ARAP2: variants seen among roughly 807,000 people sequenced by gnomAD.
The protein encoded by ARAP2 is arf-GAP with Rho-GAP domain, ANK repeat and PH domain-containing protein 2.
In ARAP2, 148 loss-of-function variants were observed where a neutral mutation model predicts 194.5. That is an observed-to-expected ratio of 0.76 (90% CI 0.67 to 0.87). The LOEUF (loss-of-function observed/expected upper bound fraction) is 0.87. Ranked by LOEUF, ARAP2 falls within the 40% of genes least tolerant of loss-of-function variation. ARAP2 has a pLI of 0.00. For missense variants in ARAP2, 2,128 were observed against 1,989.7 expected (o/e 1.07, Z -1.32); for synonymous variants, 695 against 683.5 (o/e 1.02, Z -0.26).
chr4:36,057,359 T>A (rs1003874276), intron 2 of ARAP2, among the ~76,000 whole-genome samples: 4 of 151,538 alleles, frequency 2.6e-5, no homozygotes, highest in African/African-American at 9.7e-5. Context: ...TTTTTTTTTT[T>A]AATTTACCTT....
At chr4:36,187,409 C>A in intron 8 of ARAP2, 42 bp downstream of exon 8, 1 of 1,124,492 alleles carries the variant, frequency 8.9e-7, no homozygotes, top group Non-Finnish European at 1.2e-6. Context: ...TATGATTAGT[C>A]AGAAATTAAT....
At chr4:36,171,341 T>TA (rs1050073733) in intron 9 of ARAP2, among the ~76,000 whole-genome samples, 3 of 152,014 alleles carry the variant, frequency 2.0e-5, no homozygotes, top group South Asian at 2.1e-4. Flanking sequence ...TATGCAGCCA[T>TA]AAAAAATGAA....
At chr4:36,036,428 T>C (rs1282996573) in intron 5 of ARAP2, among the ~76,000 whole-genome samples, 1 of 151,618 alleles carries the variant, frequency 6.6e-6, no homozygotes, top group Non-Finnish European at 1.5e-5. Flanking sequence ...TGATGTTGTT[T>C]TGATGTTGTT....
At chr4:36,097,657 G>C (rs1364083116) in intron 27 of ARAP2, among the ~76,000 whole-genome samples, 1 of 152,068 alleles carries the variant, frequency 6.6e-6, no homozygotes, top group African/African-American at 2.4e-5. Context: ...TAACAGGTTT[G>C]AAAGTTTAAT....
intron 8 of ARAP2, among the ~76,000 whole-genome samples, chr4:36,014,326 GAAAGAAAGAAAGAAAGAA>G (rs1715325557): frequency 5.0e-5 from 2 of 40,230 alleles, no homozygotes; most frequent in African/African-American, 1.8e-4. Flanking sequence ...AAGAAAGAGA[GAAAGAAAGAAAGAAAGAA>G]AGAAAGAAAG....
At chr4:36,212,856 T>A (rs1747073523) in intron 4 of ARAP2, among the ~76,000 whole-genome samples, 2 of 151,898 alleles carry the variant, frequency 1.3e-5, no homozygotes, top group South Asian at 4.1e-4. Context: ...AAAGAATGAG[T>A]GATAAACTAA....
chr4:36,194,304 T>C (rs193173990), intron 6 of ARAP2, among the ~76,000 whole-genome samples: 103 of 152,260 alleles, frequency 6.8e-4, no homozygotes, highest in African/African-American at 2.4e-3. Context: ...AAATAAACTA[T>C]TTTTCTGACT....
Position 36,192,761 on chromosome 4 carries a change from G to A in ARAP2, c.1557+817C>T, listed in dbSNP as rs776684221. ...GTCTGTAATTCCAGCACTTTGGGAG[G>A]CCAAGGCGGCAGATCACTTGAGATC... On this transcript the variant is annotated intron_variant, in intron 7 of 32. Transcript: ENST00000303965. Among the ~76,000 whole-genome samples, 8 of 152,182 alleles carry A rather than the reference G, an allele frequency of 5.3e-5. No homozygotes were observed. The South Asian group carries it at 6.2e-4, about 12-fold the overall frequency.
At chr4:36,127,971 C>A (rs1319735342) in intron 21 of ARAP2, among the ~76,000 whole-genome samples, 1 of 151,870 alleles carries the variant, frequency 6.6e-6, no homozygotes, top group Non-Finnish European at 1.5e-5. Flanking sequence ...ATTAATTTGA[C>A]CCATGAGGGA....
intron 26 of ARAP2, among the ~76,000 whole-genome samples, chr4:36,113,313 T>C (rs1487991303): frequency 6.6e-6 from 1 of 151,902 alleles, no homozygotes; most frequent in East Asian, 1.9e-4. Flanking sequence ...TATTTAAAAA[T>C]AACATTGAAA....
intron 9 of ARAP2, among the ~76,000 whole-genome samples, chr4:36,011,058 C>T (rs2109309041): frequency 6.6e-6 from 1 of 152,150 alleles, no homozygotes; most frequent in South Asian, 2.1e-4. Context: ...TGTTTTGTGT[C>T]TGATCAAAAG....
At chr4:36,125,021 G>T in intron 21 of ARAP2, 54 bp from the exon 22 acceptor site, 1 of 1,183,868 alleles carries the variant, frequency 8.4e-7, no homozygotes, top group Non-Finnish European at 1.2e-6. Flanking sequence ...CTATGTTATG[G>T]ATTTGTCTAT....
chr4:36,197,031 A>G (rs1448566518), intron 6 of ARAP2, among the ~76,000 whole-genome samples: 1 of 151,860 alleles, frequency 6.6e-6, no homozygotes, highest in Non-Finnish European at 1.5e-5. Flanking sequence ...GACACTAAGC[A>G]GAATGTGTAA....
Position 36,212,446 on chromosome 4 carries a change from T to C in ARAP2, c.1083A>G (p.Ala361=). Residue 361 remains alanine, a synonymous_variant, in exon 5 of 33, where the codon GCA becomes GCG. Transcript: ENST00000303965. ...TTGCAGTAGCTGCTTCCCCTTTGAGTGCTTCTCCCTGGGTCAAAAATTCAT... is the reference window on the plus strand; with the variant it reads ...TTGCAGTAGCTGCTTCCCCTTTGAGCGCTTCTCCCTGGGTCAAAAATTCAT... ...IKNEFLTQGE[A]LKGEAATATN... is the part of the protein sequence containing the mutation. The C allele has an allele frequency of 1.2e-6, 2 of 1,612,474 alleles. No homozygotes were observed. Among genetic ancestry groups the C allele is most frequent in the Non-Finnish European group, 1.7e-6 (2 of 1,178,868 alleles).
chr4:36,165,355 T>G (rs1735041553), intron 10 of ARAP2, among the ~76,000 whole-genome samples: 1 of 152,204 alleles, frequency 6.6e-6, no homozygotes, highest in South Asian at 2.1e-4. Flanking sequence ...ATACACATTT[T>G]CTAAACAAAA....
chr4:36,046,925 C>T (rs1219413338), intron 3 of ARAP2: 1 of 152,116 alleles, frequency 6.6e-6, no homozygotes, highest in African/African-American at 2.4e-5. Flanking sequence ...TTACCATATA[C>T]ATAAATCTAA....
chr4:36,080,602 A>G (rs934376414), intron 30 of ARAP2, among the ~76,000 whole-genome samples: 1 of 152,204 alleles, frequency 6.6e-6, no homozygotes, highest in Non-Finnish European at 1.5e-5. Flanking sequence ...ATGGTAAAAC[A>G]CTGTATTCCA....
chr4:36,124,981 A>G lies in ARAP2; in HGVS notation c.3641-14T>C. Reference sequence around the variant, plus strand: ...CATCTTGCGTATCTGAAGGGGAAAAAAAAACAATCTTGAGATCTAAACTAA... The same window carrying G: ...CATCTTGCGTATCTGAAGGGGAAAAGAAAACAATCTTGAGATCTAAACTAA... On this transcript the variant is annotated splice_polypyrimidine_tract_variant and intron_variant, in intron 21 of 32. Transcript: ENST00000303965. 6.5e-7 allele frequency: 1 copy of G among 1,526,970 alleles called. No individual in the cohort carries two copies. The highest frequency in any genetic ancestry group is 2.3e-5 in the East Asian group (1 of 44,148). 94.6% of individuals were successfully genotyped at this position (1,526,970 alleles called of 1,614,324 possible). A position where few individuals can be genotyped will look rare whatever the true frequency, so the allele number is the denominator to read the frequency against.
rs1282967398 is a variant in ARAP2, at chr4:36,147,570, G to A, written c.3177C>T (p.His1059=). 1.2e-6 allele frequency: 2 copies of A among 1,613,004 alleles called. No homozygotes were observed. The highest frequency in any genetic ancestry group is 4.5e-5 in the East Asian group (2 of 44,836). ...TACTTAGCTCTTGCAGTCTTCTTAA[G>A]TGCATTCTATCTCCCTGAACTTCTT... The part of the protein sequence containing the change: ...QMQEVQGDRM[H]LRRLQELTIS... The change falls in exon 18 of 33, where the codon CAC becomes CAT. Residue 1059 remains histidine (H), a synonymous_variant. Transcript: ENST00000303965.
Sources: gnomAD v4.1 joint callset for allele counts (sites outside exome capture counted in the v4.1 genomes callset) on GRCh38, gnomAD v4.1.1 for gene constraint, MANE v1.5 for transcripts, NCBI Gene and HGNC (gene_info 2026-07-23, HGNC 2026-07-21) for gene names.